Variants in GRIK4 observed in about 807,000 individuals in gnomAD.
GRIK4 encodes the protein glutamate receptor ionotropic, kainate 4.
A neutral mutation model predicts 104.9 loss-of-function variants in GRIK4; 40 were observed. The observed-to-expected ratio is 0.38, with a 90% CI of 0.30 to 0.50. The LOEUF (loss-of-function observed/expected upper bound fraction) is 0.50, where lower values mean the gene tolerates loss of function less well. GRIK4 is among the 20% of genes least tolerant of loss of function. GRIK4 has a pLI of 0.93. For missense variants in GRIK4, 1,047 were observed against 1,308.1 expected, an observed-to-expected ratio of 0.80 and a Z score of 3.08; for synonymous variants, 485 against 524.9, an observed-to-expected ratio of 0.92 and a Z score of 1.04.
At chr11:120,691,150 A>G (rs1425308104) in intron 3 of GRIK4, among the ~76,000 whole-genome samples, 8 of 152,174 alleles carry the variant, frequency 5.3e-5, no homozygotes, top group Non-Finnish European at 5.9e-5. Context: ...ACGCTGTTGC[A>G]TGTTTCTCAT....
intron 3 of GRIK4, among the ~76,000 whole-genome samples, chr11:120,703,846 T>C (rs1224906601): frequency 6.6e-6 from 1 of 152,184 alleles, no homozygotes; most frequent in African/African-American, 2.4e-5. Flanking sequence ...TTCCTATACA[T>C]GGTAGGTACA....
At chr11:120,789,205 A>C (rs1382874546) in intron 3 of GRIK4, among the ~76,000 whole-genome samples, 1 of 152,154 alleles carries the variant, frequency 6.6e-6, no homozygotes, top group Non-Finnish European at 1.5e-5. Flanking sequence ...CAGACCAGTA[A>C]CTTTTTCTGT....
At chr11:120,848,601 C>T (rs1008588197) in intron 8 of GRIK4, among the ~76,000 whole-genome samples, 2 of 152,134 alleles carry the variant, frequency 1.3e-5, no homozygotes, top group Non-Finnish European at 2.9e-5. Context: ...CTATTTGGGT[C>T]CCTTCATCTG....
At chr11:120,608,666 G>A (rs1318312876) in intron 1 of GRIK4, among the ~76,000 whole-genome samples, 2 of 152,218 alleles carry the variant, frequency 1.3e-5, no homozygotes. Context: ...TTGTGATGAA[G>A]CATATGGGTT....
At chr11:120,658,771 C>T (rs1275894775) in intron 2 of GRIK4, among the ~76,000 whole-genome samples, 4 of 93,622 alleles carry the variant, frequency 4.3e-5, no homozygotes, top group Admixed American at 1.8e-4. Context: ...TTTTTTGAGA[C>T]GGAGTCTCGC....
At chr11:120,593,240 T>C (rs556507916) in intron 1 of GRIK4, among the ~76,000 whole-genome samples, 10 of 149,396 alleles carry the variant, frequency 6.7e-5, no homozygotes, top group Admixed American at 6.7e-4. Context: ...CCATTTCTGC[T>C]CCCTTTTGTA....
At chr11:120,603,201 A>G (rs989237592) in intron 1 of GRIK4, among the ~76,000 whole-genome samples, 1 of 152,168 alleles carries the variant, frequency 6.6e-6, no homozygotes, top group East Asian at 1.9e-4. Flanking sequence ...ATGACTTTGA[A>G]TGCCTGTGGG....
intron 3 of GRIK4, among the ~76,000 whole-genome samples, chr11:120,692,771 A>C (rs1280846904): frequency 1.3e-5 from 2 of 152,082 alleles, no homozygotes; most frequent in Admixed American, 1.3e-4. Context: ...CGCTCTTGTC[A>C]CCCAGGCTGG....
chr11:120,523,310 G>A (rs111330908), intron 1 of GRIK4, among the ~76,000 whole-genome samples: 4,445 of 151,806 alleles, frequency 0.029, 209 homozygotes, highest in African/African-American at 0.1. Context: ...CAAAGCAATC[G>A]GGCTGTCTGA....
At chr11:120,580,467 G>C (rs915828053) in intron 1 of GRIK4, among the ~76,000 whole-genome samples, 1 of 151,978 alleles carries the variant, frequency 6.6e-6, no homozygotes, top group Middle Eastern at 3.4e-3. Flanking sequence ...GTAGAAACAG[G>C]GTTTCTCCAT....
At chr11:120,646,322 T>C (rs1473851073) in intron 1 of GRIK4, among the ~76,000 whole-genome samples, 1 of 152,098 alleles carries the variant, frequency 6.6e-6, no homozygotes, top group Admixed American at 6.5e-5. Flanking sequence ...GAAACTGAGG[T>C]TTTGAGAGGT....
intron 7 of GRIK4, among the ~76,000 whole-genome samples, chr11:120,835,523 G>C (rs950289076): frequency 4.0e-5 from 5 of 126,204 alleles, no homozygotes; most frequent in African/African-American, 1.4e-4. Context: ...GTGAGACTCT[G>C]ACTCAAAGAA....
chr11:120,958,228 A>ACACTTACCCCAGGAAAT (rs1484428504), intron 16 of GRIK4, among the ~76,000 whole-genome samples: 1 of 152,112 alleles, frequency 6.6e-6, no homozygotes, highest in East Asian at 1.9e-4. Flanking sequence ...TGTCAGCTCT[A>ACACTTACCCCAGGAAAT]CCCTTACCCC....
At chr11:120,576,704 A>T (rs1487583130) in intron 1 of GRIK4, 1 of 152,448 alleles carries the variant, frequency 6.6e-6, no homozygotes, top group Non-Finnish European at 1.5e-5. Flanking sequence ...GGCAGGTGGC[A>T]GTGCCCTCAG....
chr11:120,924,394 T>C (rs1305791404), intron 13 of GRIK4, among the ~76,000 whole-genome samples: 2 of 152,074 alleles, frequency 1.3e-5, no homozygotes, highest in African/African-American at 2.4e-5. Flanking sequence ...ACAGTGGCCA[T>C]TCTCCTACTT....
intron 1 of GRIK4, among the ~76,000 whole-genome samples, chr11:120,531,963 A>G (rs1733218078): frequency 6.6e-6 from 1 of 152,200 alleles, no homozygotes; most frequent in Non-Finnish European, 1.5e-5. Context: ...GTGGAGCAGC[A>G]GATGGCAACC....
chr11:120,649,981 G>A (rs1029060567), intron 1 of GRIK4, among the ~76,000 whole-genome samples: 2 of 152,144 alleles, frequency 1.3e-5, no homozygotes, highest in African/African-American at 2.4e-5. Flanking sequence ...TGCCAGGAGC[G>A]CATGTCCCCC....
chr11:120,980,694 C>T (rs927103850), intron 19 of GRIK4, among the ~76,000 whole-genome samples: 2 of 152,098 alleles, frequency 1.3e-5, no homozygotes, highest in African/African-American at 4.8e-5. Context: ...GTTCAAAATA[C>T]AGGATTCCCA....
intron 7 of GRIK4, among the ~76,000 whole-genome samples, chr11:120,835,254 G>C (rs1280285744): frequency 6.6e-6 from 1 of 152,186 alleles, no homozygotes; most frequent in Non-Finnish European, 1.5e-5. Context: ...GATTACAGGC[G>C]CGGTGCCTCA....
Sources: allele counts gnomAD v4.1 joint callset (sites outside exome capture counted in the v4.1 genomes callset), GRCh38; gene constraint gnomAD v4.1.1; transcripts MANE v1.5; gene names NCBI Gene and HGNC (gene_info 2026-07-23, HGNC 2026-07-21).